Variants in DMD observed in about 807,000 individuals in gnomAD.
The protein encoded by DMD is dystrophin.
In DMD, 63 loss-of-function variants were observed where a neutral mutation model predicts 330.1. The observed-to-expected ratio is 0.19, with a 90% CI of 0.16 to 0.24. The LOEUF is 0.24. Among genes scored for constraint, DMD ranks in the 10% least tolerant of loss-of-function variants. The pLI is 1.00. For missense variants in DMD, 3,344 were observed against 2,684.1 expected (o/e 1.25, Z -5.43); for synonymous variants, 1,223 against 959.8 (o/e 1.27, Z -5.07).
intron 53 of DMD, among the ~76,000 whole-genome samples, chrX:31,665,813 T>G (rs907681105): frequency 8.9e-6 from 1 of 111,865 alleles, no homozygotes; most frequent in Admixed American, 9.5e-5. Context: ...ATAATTAAAC[T>G]AATGGCATAC....
chrX:31,797,493 A>C (rs1197697901), intron 50 of DMD, among the ~76,000 whole-genome samples: 1 of 112,372 alleles, frequency 8.9e-6, no homozygotes, highest in Non-Finnish European at 1.9e-5. Flanking sequence ...CAGTAGATTA[A>C]TACTAATTAC....
chrX:31,226,162 C>T (rs2141758), intron 63 of DMD, among the ~76,000 whole-genome samples: 2 of 110,540 alleles, frequency 1.8e-5, no homozygotes, highest in East Asian at 5.7e-4. Context: ...TCTGTGAATC[C>T]GAATCAATAT....
chrX:32,738,164 G>T (rs1284918701), intron 7 of DMD, among the ~76,000 whole-genome samples: 2 of 111,782 alleles, frequency 1.8e-5, no homozygotes, highest in South Asian at 3.7e-4. Flanking sequence ...TTGGTTAGAA[G>T]TTTGAACATT....
intron 25 of DMD, among the ~76,000 whole-genome samples, chrX:32,460,964 CA>C (rs911325317): frequency 9.0e-6 from 1 of 111,639 alleles, no homozygotes; most frequent in African/African-American, 3.3e-5. Flanking sequence ...TATATCTGAT[CA>C]TTTTTTTAGA....
chrX:33,292,104 C>G (rs531839998), intron 1 of DMD, among the ~76,000 whole-genome samples: 14 of 111,262 alleles, frequency 1.3e-4, no homozygotes, highest in African/African-American at 4.6e-4. Context: ...CCCAAAACTT[C>G]CGTAACAATC....
intron 41 of DMD, among the ~76,000 whole-genome samples, chrX:32,317,199 T>C (rs2097585525): frequency 9.0e-6 from 1 of 111,697 alleles, no homozygotes; most frequent in Non-Finnish European, 1.9e-5. Context: ...TTTATTTCTT[T>C]GTGTTTATTT....
intron 1 of DMD, among the ~76,000 whole-genome samples, chrX:33,143,773 T>G (rs551919993): frequency 8.9e-6 from 1 of 112,073 alleles, no homozygotes; most frequent in South Asian, 3.7e-4. Context: ...TAGTTTATTT[T>G]ATATAGCGTT....
intron 1 of DMD, among the ~76,000 whole-genome samples, chrX:33,133,945 G>A (rs918266668): frequency 6.2e-5 from 7 of 112,060 alleles, no homozygotes; most frequent in African/African-American, 2.3e-4. Flanking sequence ...TATCATAGGG[G>A]TATTTGCTTT....
intron 68 of DMD, among the ~76,000 whole-genome samples, chrX:31,180,728 A>C (rs913476719): frequency 9.0e-6 from 1 of 111,645 alleles, no homozygotes; most frequent in Non-Finnish European, 1.9e-5. Context: ...CTCAGCTTTT[A>C]TTTAAACTCC....
intron 1 of DMD, among the ~76,000 whole-genome samples, chrX:33,143,806 A>T (rs1206696965): frequency 8.9e-6 from 1 of 111,754 alleles, no homozygotes; most frequent in East Asian, 2.8e-4. Context: ...CTTTGTACAC[A>T]TTTCTCTGCA....
intron 47 of DMD, among the ~76,000 whole-genome samples, chrX:31,916,867 A>G (rs1298731576): frequency 8.9e-6 from 1 of 112,699 alleles, no homozygotes; most frequent in Non-Finnish European, 1.9e-5. Context: ...ACAACGATCT[A>G]TGTTTCAAAG....
intron 61 of DMD, among the ~76,000 whole-genome samples, chrX:31,343,582 A>AGTGTGTGTGT (rs56312485): frequency 2.3e-5 from 2 of 87,644 alleles, no homozygotes; most frequent in East Asian, 3.9e-4. Flanking sequence ...TCCAAAGGGG[A>AGTGTGTGTGT]GTGTGTGTGT....
chrX:32,482,600 T>G (rs924020610), intron 21 of DMD, among the ~76,000 whole-genome samples: 1 of 111,784 alleles, frequency 8.9e-6, no homozygotes, highest in African/African-American at 3.2e-5. Context: ...ATGAATAATG[T>G]TGTTATGGAC....
At chrX:31,173,507 A>G in intron 72 of DMD, 32 bp downstream of exon 72, 1 of 1,183,036 alleles carries the variant, frequency 8.5e-7, no homozygotes. Context: ...TATTTCAATC[A>G]ATATTTGCCT....
intron 20 of DMD, among the ~76,000 whole-genome samples, chrX:32,489,642 G>C (rs895335737): frequency 5.4e-5 from 6 of 111,299 alleles, no homozygotes; most frequent in African/African-American, 2.0e-4. Context: ...TATTGTGGCA[G>C]ACTCAGCTGA....
At chrX:32,392,427 T>G (rs1332876977) in intron 30 of DMD, among the ~76,000 whole-genome samples, 1 of 110,607 alleles carries the variant, frequency 9.0e-6, no homozygotes, top group Non-Finnish European at 1.9e-5. Flanking sequence ...CTCAGCTAAT[T>G]TTTATATTTT....
intron 43 of DMD, among the ~76,000 whole-genome samples, chrX:32,242,587 G>C (rs1338518279): frequency 9.0e-6 from 1 of 111,256 alleles, no homozygotes; most frequent in African/African-American, 3.3e-5. Context: ...TATATACAAA[G>C]AGTATGTAAC....
rs2095611810 is a variant in DMD at position 31,999,577 on chromosome X, T to C, written c.6439-31063A>G. ...TCTTATAAGGACTATTACCTTACTG[T>C]TGTTGACTCTACCTTTCTAGACATG... On this transcript the variant is annotated intron_variant, in intron 44 of 78. Coordinates refer to ENST00000357033, the MANE Select transcript of DMD (RefSeq NM_004006.3). Among the ~76,000 whole-genome samples the C allele has an allele frequency of 4.5e-5, 5 of 111,770 alleles. No individual in the cohort carries two copies. The South Asian group carries it at 1.8e-3, about 41-fold the overall frequency.
intron 1 of DMD, among the ~76,000 whole-genome samples, chrX:33,042,618 GATTTTTCATTGAACTCAGAGGAGAAAGTT>G (rs2094320308): frequency 8.9e-6 from 1 of 112,558 alleles, no homozygotes; most frequent in East Asian, 2.8e-4. Context: ...AAGTGCTACT[GATTTTTCATTGAACTCAGAGGAGAAAGTT>G]ACTGGATTCC....
Sources: allele counts gnomAD v4.1 joint callset (sites outside exome capture counted in the v4.1 genomes callset), GRCh38; gene constraint gnomAD v4.1.1; transcripts MANE v1.5; gene names NCBI Gene and HGNC (gene_info 2026-07-23, HGNC 2026-07-21).